The following TAB2 variants were observed in gnomAD, a reference collection of about 807,000 sequenced individuals.
The protein encoded by TAB2 is TGF-beta-activated kinase 1 and MAP3K7-binding protein 2.
A neutral mutation model predicts 65.0 loss-of-function variants in TAB2; 3 were observed. The observed-to-expected ratio is 0.05, with a 90% CI of 0.02 to 0.12. The LOEUF (loss-of-function observed/expected upper bound fraction) is 0.12. Ranked by LOEUF, TAB2 falls within the 10% of genes least tolerant of loss-of-function variation. The probability of loss-of-function intolerance (pLI) is 1.00; values close to 1 mark genes in which losing one functional copy is unlikely to be tolerated. For synonymous variants in TAB2, 298 were observed against 285.1 expected (o/e 1.05, Z -0.46); for missense variants, 623 against 840.3 (o/e 0.74, Z 3.20).
At chr6:149,286,422 G>A (rs950772664) in intron 1 of TAB2, among the ~76,000 whole-genome samples, 3 of 152,180 alleles carry the variant, frequency 2.0e-5, no homozygotes, top group African/African-American at 7.2e-5. Flanking sequence ...AACAGGATGA[G>A]GAAAGCATTT....
intron 1 of TAB2, among the ~76,000 whole-genome samples, chr6:149,238,309 G>A (rs1478818033): frequency 1.3e-5 from 2 of 152,082 alleles, no homozygotes; most frequent in East Asian, 1.9e-4. Context: ...TGCTCTAGAG[G>A]GCATCTGGCT....
At chr6:149,226,612 A>G (rs1777283997) in intron 1 of TAB2, among the ~76,000 whole-genome samples, 1 of 152,238 alleles carries the variant, frequency 6.6e-6, no homozygotes, top group African/African-American at 2.4e-5. Context: ...GAAAGCAGAA[A>G]GATAGGAAGA....
At chr6:149,264,499 G>T (rs188757634) in intron 1 of TAB2, among the ~76,000 whole-genome samples, 1 of 151,954 alleles carries the variant, frequency 6.6e-6, no homozygotes, top group Admixed American at 6.6e-5. Context: ...AAAAATTGCT[G>T]GGGCACCTGT....
intron 1 of TAB2, among the ~76,000 whole-genome samples, chr6:149,301,434 A>G (rs1323028816): frequency 1.3e-5 from 2 of 152,238 alleles, no homozygotes; most frequent in Admixed American, 1.3e-4. Context: ...CTTCATATAT[A>G]GATTACATTT....
At chr6:149,398,285 T>G (rs1313468769) in intron 5 of TAB2, among the ~76,000 whole-genome samples, 1 of 152,246 alleles carries the variant, frequency 6.6e-6, no homozygotes. Context: ...GTTTATACAT[T>G]CTTTAGACAA....
chr6:149,256,339 A>G (rs1778034152), intron 1 of TAB2, among the ~76,000 whole-genome samples: 2 of 152,330 alleles, frequency 1.3e-5, no homozygotes, highest in East Asian at 1.9e-4. Flanking sequence ...ACTTGCATAT[A>G]GAATTTAATA....
chr6:149,406,963 C>T (rs773231965), intron 6 of TAB2, among the ~76,000 whole-genome samples: 27 of 152,310 alleles, frequency 1.8e-4, no homozygotes, highest in Non-Finnish European at 2.6e-4. Flanking sequence ...GTGATCCACC[C>T]GTCTCGGCCT....
chr6:149,388,288 T>A (rs1431468910), intron 3 of TAB2, among the ~76,000 whole-genome samples: 1 of 152,162 alleles, frequency 6.6e-6, no homozygotes, highest in Non-Finnish European at 1.5e-5. Flanking sequence ...TCCTTAAGCC[T>A]CTGCCTCAAC....
rs147766110 is a variant in TAB2 at position 149,332,898 on chromosome 6, T to C, written c.-90+14883T>C. On this transcript the variant is annotated intron_variant, in intron 1 of 6. Coordinates refer to ENST00000637181, the MANE Select transcript of TAB2 (RefSeq NM_001292034.3). The stretch of plus-strand genomic sequence containing the variant: ...AATTCATGTAATTTGGAAAATTTTT[T>C]AAATGCCACAAGTTTTTTCTGTTGT... 6.6e-3 allele frequency among the ~76,000 whole-genome samples: 1,000 copies of C among 152,332 alleles called. 14 individuals carry two copies. The highest frequency in any genetic ancestry group is 0.022 in the African/African-American group (909 of 41,584).
intron 1 of TAB2, among the ~76,000 whole-genome samples, chr6:149,240,749 T>C (rs1300218978): frequency 6.6e-6 from 1 of 152,240 alleles, no homozygotes; most frequent in Admixed American, 6.5e-5. Context: ...ATTTTTGGGC[T>C]AACATAAAGT....
At chr6:149,341,975 C>G (rs1583104627) in intron 1 of TAB2, among the ~76,000 whole-genome samples, 2 of 151,502 alleles carry the variant, frequency 1.3e-5, no homozygotes, top group South Asian at 4.2e-4. Context: ...TCATAATATC[C>G]TATTATTTCT....
At chr6:149,234,341 C>T (rs1016767584) in intron 1 of TAB2, among the ~76,000 whole-genome samples, 2 of 152,156 alleles carry the variant, frequency 1.3e-5, no homozygotes, top group African/African-American at 4.8e-5. Context: ...CTAGAGGTCA[C>T]CCCTTTCTTG....
chr6:149,268,698 AAAG>A (rs946447062), intron 1 of TAB2, among the ~76,000 whole-genome samples: 3 of 152,248 alleles, frequency 2.0e-5, no homozygotes, highest in Admixed American at 6.5e-5. Flanking sequence ...TATATGTAAC[AAAG>A]AAGAGAATTT....
At chr6:149,237,960 A>G (rs1319697589) in intron 1 of TAB2, among the ~76,000 whole-genome samples, 1 of 152,144 alleles carries the variant, frequency 6.6e-6, no homozygotes, top group Non-Finnish European at 1.5e-5. Context: ...CCAGCCCCAC[A>G]GTGTGTGCAC....
At chr6:149,254,054 A>AGAGG (rs1159686582) in intron 1 of TAB2, among the ~76,000 whole-genome samples, 2 of 123,994 alleles carry the variant, frequency 1.6e-5, no homozygotes, top group Non-Finnish European at 3.4e-5. Flanking sequence ...AAAGAGGGAG[A>AGAGG]GAGGGAGGAA....
intron 1 of TAB2, among the ~76,000 whole-genome samples, chr6:149,319,493 A>G (rs1446175985): frequency 1.3e-5 from 2 of 152,214 alleles, no homozygotes; most frequent in Non-Finnish European, 2.9e-5. Flanking sequence ...TACATGAGCT[A>G]TAGGCTAAAT....
chr6:149,294,940 C>G (rs1366674393), intron 1 of TAB2, among the ~76,000 whole-genome samples: 2 of 152,274 alleles, frequency 1.3e-5, no homozygotes, highest in Middle Eastern at 3.4e-3. Flanking sequence ...TGTTAAAACA[C>G]TTTTAGTGTG....
chr6:149,291,875 A>G (rs1464493761), intron 1 of TAB2, among the ~76,000 whole-genome samples: 4 of 152,184 alleles, frequency 2.6e-5, no homozygotes, highest in Non-Finnish European at 5.9e-5. Context: ...AAAACAAAAA[A>G]CAAACAAAAG....
chr6:149,313,740 C>A (rs529564146), upstream of TAB2, among the ~76,000 whole-genome samples: 2 of 152,324 alleles, frequency 1.3e-5, no homozygotes, highest in African/African-American at 4.8e-5. Context: ...ATCTTTGACT[C>A]CCTGACACTT....
Sources: gnomAD v4.1 joint callset for allele counts (sites outside exome capture counted in the v4.1 genomes callset) on GRCh38, gnomAD v4.1.1 for gene constraint, MANE v1.5 for transcripts, NCBI Gene and HGNC (gene_info 2026-07-23, HGNC 2026-07-21) for gene names.